Variants in EPHA7 observed in about 807,000 individuals in gnomAD.
EPHA7 encodes ephrin type-A receptor 7.
A neutral mutation model predicts 112.6 loss-of-function variants in EPHA7; 25 were observed. The observed-to-expected ratio is 0.22, with a 90% CI of 0.16 to 0.31. The LOEUF (loss-of-function observed/expected upper bound fraction) is 0.31. Ranked by LOEUF, EPHA7 falls within the 10% of genes least tolerant of loss-of-function variation. The pLI, the probability that EPHA7 is intolerant of heterozygous loss-of-function variation, is 1.00. For synonymous variants in EPHA7, 437 were observed against 406.5 expected (o/e 1.07, Z -0.90); for missense variants, 962 against 1,212.6 (o/e 0.79, Z 3.07).
chr6:93,413,495 G>T (rs542287149), intron 2 of EPHA7, among the ~76,000 whole-genome samples: 2 of 151,844 alleles, frequency 1.3e-5, no homozygotes, highest in African/African-American at 4.8e-5. Context: ...TCATTGGCAA[G>T]AAAGGTGTTT....
intron 5 of EPHA7, among the ~76,000 whole-genome samples, chr6:93,332,910 G>A (rs1242731681): frequency 6.6e-6 from 1 of 151,220 alleles, no homozygotes; most frequent in Non-Finnish European, 1.5e-5. Flanking sequence ...TTAGATTCAG[G>A]GGTACATATG....
chr6:93,375,468 A>T (rs988866504), intron 3 of EPHA7, among the ~76,000 whole-genome samples: 1 of 151,838 alleles, frequency 6.6e-6, no homozygotes, highest in Non-Finnish European at 1.5e-5. Context: ...AATAAAAATA[A>T]AAAAAATAGT....
chr6:93,316,417 T>A (rs1159697471), intron 5 of EPHA7, among the ~76,000 whole-genome samples: 1 of 152,068 alleles, frequency 6.6e-6, no homozygotes, highest in Non-Finnish European at 1.5e-5. Flanking sequence ...TATTTAGGAG[T>A]TTTCCCTGTG....
intron 5 of EPHA7, among the ~76,000 whole-genome samples, chr6:93,299,038 AAAGCTC>A (rs1175321750): frequency 3.3e-5 from 5 of 152,152 alleles, no homozygotes; most frequent in Admixed American, 3.3e-4. Context: ...CTTATGAAAA[AAAGCTC>A]AGCCGGGCGC....
chr6:93,407,793 T>C (rs925617125), intron 3 of EPHA7, among the ~76,000 whole-genome samples: 3 of 151,996 alleles, frequency 2.0e-5, no homozygotes, highest in Admixed American at 6.6e-5. Context: ...TAGTAAAATG[T>C]TTCAATTCTT....
chr6:93,342,162 G>T (rs553970120), intron 5 of EPHA7, among the ~76,000 whole-genome samples: 9 of 151,824 alleles, frequency 5.9e-5, no homozygotes, highest in Non-Finnish European at 1.2e-4. Context: ...GATGGATCAG[G>T]TGACAGATAA....
In EPHA7 at chr6:93,410,416, T is replaced by A. The variant is rs1778919106; in HGVS notation, c.832+85A>T. 3 of 1,241,020 alleles carry A rather than the reference T, an allele frequency of 2.4e-6. No homozygotes were observed. Among genetic ancestry groups the A allele is most frequent in the African/African-American group, 1.5e-5 (1 of 66,588 alleles). 76.9% of individuals were successfully genotyped at this position (1,241,020 alleles called of 1,614,324 possible). A position where few individuals can be genotyped will look rare whatever the true frequency, so the allele number is the denominator to read the frequency against. On this transcript the variant is annotated intron_variant, in intron 3 of 16. Coordinates refer to ENST00000369303, the MANE Select transcript of EPHA7 (RefSeq NM_004440.4). The surrounding 1 kb of genome is among the most constrained non-coding windows in gnomAD (Gnocchi z 4.0). Reference sequence around the variant, plus strand: ...GCTTCTGGTACAGAGCAGATTCACGTATTCAAATAACTATTAAAGTTTAAA... The same window carrying A: ...GCTTCTGGTACAGAGCAGATTCACGAATTCAAATAACTATTAAAGTTTAAA...
intron 1 of EPHA7, among the ~76,000 whole-genome samples, chr6:93,418,151 A>C (rs1779338072): frequency 6.9e-6 from 1 of 145,802 alleles, no homozygotes; most frequent in African/African-American, 2.5e-5. Context: ...CACAGCCTGA[A>C]AGACCAGGGG....
At chr6:93,331,219 A>C (rs1774575967) in intron 5 of EPHA7, among the ~76,000 whole-genome samples, 1 of 151,526 alleles carries the variant, frequency 6.6e-6, no homozygotes, top group Non-Finnish European at 1.5e-5. Flanking sequence ...CTGTATTTTA[A>C]GAAAAGAAGT....
At chr6:93,307,044 A>T (rs1773296415) in intron 5 of EPHA7, among the ~76,000 whole-genome samples, 1 of 151,992 alleles carries the variant, frequency 6.6e-6, no homozygotes, top group Non-Finnish European at 1.5e-5. Context: ...AAGTATAATT[A>T]TAATATTTGA....
intron 3 of EPHA7, among the ~76,000 whole-genome samples, chr6:93,375,270 T>C (rs896895936): frequency 3.9e-5 from 6 of 152,080 alleles, no homozygotes; most frequent in Admixed American, 2.0e-4. Flanking sequence ...TTCCAATATG[T>C]GTAACTTGAA....
chr6:93,289,463 C>CAA (rs3078554), intron 5 of EPHA7, among the ~76,000 whole-genome samples: 5,838 of 144,804 alleles, frequency 0.04, 374 homozygotes, highest in African/African-American at 0.14. Context: ...ACTAAAAATA[C>CAA]AAAAAAAAAA....
In EPHA7 at chr6:93,288,499, A is replaced by G. The variant is rs765578481; in HGVS notation, c.1325-16077T>C. ...TGGTGATGCTTGCACAGCTCAGTACATTTATTAAAATCACTGAATTATACA... is the reference window on the plus strand; with the variant it reads ...TGGTGATGCTTGCACAGCTCAGTACGTTTATTAAAATCACTGAATTATACA... On this transcript the variant is annotated intron_variant, in intron 5 of 16. Coordinates refer to ENST00000369303, the MANE Select transcript of EPHA7 (RefSeq NM_004440.4). 4.2e-4 allele frequency among the ~76,000 whole-genome samples: 64 copies of G among 152,228 alleles called. 1 individual carries two copies. The highest frequency in any genetic ancestry group is 9.4e-4 in the African/African-American group (39 of 41,460).
Position 93,419,419 on chromosome 6 carries a change from CT to C in EPHA7, c.-79del. On this transcript the variant is annotated 5_prime_UTR_variant, in exon 1 of 17. Transcript: ENST00000369303. Reference sequence around the variant, plus strand: ...TTAAATGCTGTTTGTTCCGAAGTAGCTTTTGTTTTATTGTGCTCCTTGCATC... The same window carrying C: ...TTAAATGCTGTTTGTTCCGAAGTAGCTTTGTTTTATTGTGCTCCTTGCATC... 8.0e-7 allele frequency: 1 copy of C among 1,242,792 alleles called. No individual in the cohort carries two copies. Among genetic ancestry groups the C allele is most frequent in the South Asian group, 1.3e-5 (1 of 77,384 alleles). The allele number at this position is 1,242,792 out of a possible 1,614,324, so 77.0% of individuals were successfully genotyped here.
At chr6:93,325,031 T>C (rs1037100733) in intron 5 of EPHA7, among the ~76,000 whole-genome samples, 4 of 151,286 alleles carry the variant, frequency 2.6e-5, no homozygotes, top group East Asian at 3.9e-4. Context: ...ACTGGGGTTA[T>C]GTAGTATAAA....
intron 14 of EPHA7, among the ~76,000 whole-genome samples, chr6:93,253,134 G>A (rs1447964421): frequency 6.6e-6 from 1 of 151,868 alleles, no homozygotes; most frequent in Admixed American, 6.6e-5. Flanking sequence ...GAGTGTCTAG[G>A]GAATGTAAAT....
At position 93,283,616 on chromosome 6, in the gene EPHA7, C is replaced by T. The variant is rs1030667903; in HGVS notation, c.1325-11194G>A. Among the ~76,000 whole-genome samples, 5 of 151,924 alleles carry T rather than the reference C, an allele frequency of 3.3e-5. No individual in the cohort carries two copies. In the East Asian group the frequency reaches 9.7e-4, roughly 29 times the overall value. On this transcript the variant is annotated intron_variant, in intron 5 of 16. Transcript: ENST00000369303. The stretch of plus-strand genomic sequence containing the variant: ...CTGCCTTAAGAGCTGTAACACTCAC[C>T]GCGAAGGTCTGCAGCTTCACTCCCG...
chr6:93,246,546 T>G (rs1296831001), intron 15 of EPHA7, among the ~76,000 whole-genome samples: 5 of 152,198 alleles, frequency 3.3e-5, no homozygotes, highest in African/African-American at 1.2e-4. Context: ...AAGTTTCTTT[T>G]ATAAAAGCAG....
chr6:93,391,265 G>A (rs949655317), intron 3 of EPHA7, among the ~76,000 whole-genome samples: 1 of 151,870 alleles, frequency 6.6e-6, no homozygotes, highest in African/African-American at 2.4e-5. Flanking sequence ...GGTCATTATA[G>A]GAATAAAAGT....
Sources: gnomAD v4.1 joint callset for allele counts (sites outside exome capture counted in the v4.1 genomes callset) on GRCh38, gnomAD v4.1.1 for gene constraint, Gnocchi (gnomAD v3.1) non-coding constraint, MANE v1.5 for transcripts, NCBI Gene and HGNC (gene_info 2026-07-23, HGNC 2026-07-21) for gene names.